NXPE2: variants seen among roughly 807,000 people sequenced by gnomAD.
NXPE2 encodes NXPE family member 2.
In NXPE2, 34 loss-of-function variants were observed where a neutral mutation model predicts 34.4. That is an observed-to-expected ratio of 0.99 (90% CI 0.75 to 1.31). The LOEUF is 1.31. Ranked by LOEUF, NXPE2 falls within the 40% of genes most tolerant of loss-of-function variation. NXPE2 has a pLI of 0.00. For synonymous variants in NXPE2, 235 were observed against 231.3 expected (o/e 1.02, Z -0.15); for missense variants, 649 against 672.5 (o/e 0.97, Z 0.39).
At chr11:114,799,452 G>A in the NXPE2 span, among the ~76,000 whole-genome samples, 1 of 152,178 alleles carries the variant, frequency 6.6e-6, no homozygotes, top group East Asian at 1.9e-4. Flanking sequence ...TGAGGAGGCA[G>A]GCCCACAGAT....
chr11:114,650,789 C>A, the NXPE2 span, among the ~76,000 whole-genome samples: 18 of 151,780 alleles, frequency 1.2e-4, no homozygotes, highest in African/African-American at 4.4e-4. Context: ...TCTGGAAAGA[C>A]TCTCTCTAAG....
chr11:114,562,212 T>C, the NXPE2 span, among the ~76,000 whole-genome samples: 1 of 152,248 alleles, frequency 6.6e-6, no homozygotes, highest in Non-Finnish European at 1.5e-5. Context: ...AATTTTCTGC[T>C]AGCCTCCCTG....
At chr11:114,630,874 G>A in the NXPE2 span, among the ~76,000 whole-genome samples, 1 of 151,636 alleles carries the variant, frequency 6.6e-6, no homozygotes, top group East Asian at 1.9e-4. Flanking sequence ...GACATGAACA[G>A]ACACTTCTTA....
the NXPE2 span, among the ~76,000 whole-genome samples, chr11:114,557,723 C>T: frequency 1.4e-5 from 2 of 142,632 alleles, no homozygotes; most frequent in Admixed American, 7.2e-5. Flanking sequence ...CTTTTTCATT[C>T]TTCTTTGCCG....
the NXPE2 span, among the ~76,000 whole-genome samples, chr11:114,761,732 C>T: frequency 6.6e-6 from 1 of 151,544 alleles, no homozygotes; most frequent in African/African-American, 2.4e-5. Context: ...CGCCACCGCG[C>T]CCGGCTAATT....
At chr11:114,522,935 A>C in the NXPE2 span, 1 of 1,613,436 alleles carries the variant, frequency 6.2e-7, no homozygotes, top group African/African-American at 1.3e-5. Flanking sequence ...GTCTCCCAGG[A>C]GGTAAATGAG....
the NXPE2 span, among the ~76,000 whole-genome samples, chr11:114,612,859 A>G: frequency 2.8e-4 from 41 of 148,106 alleles, no homozygotes; most frequent in African/African-American, 8.7e-4. Context: ...TGGGTAATCA[A>G]TGTTACCCCG....
At chr11:114,628,066 T>A in the NXPE2 span, among the ~76,000 whole-genome samples, 1 of 149,806 alleles carries the variant, frequency 6.7e-6, no homozygotes, top group Non-Finnish European at 1.5e-5. Flanking sequence ...CACACGTTAA[T>A]AATGGGAGAC....
the NXPE2 span, among the ~76,000 whole-genome samples, chr11:114,524,079 A>G: frequency 6.6e-6 from 1 of 152,206 alleles, no homozygotes; most frequent in Non-Finnish European, 1.5e-5. Flanking sequence ...CTTTAATCTC[A>G]TGGTCTAACT....
chr11:114,730,544 T>A, the NXPE2 span, among the ~76,000 whole-genome samples: 1 of 152,118 alleles, frequency 6.6e-6, no homozygotes, highest in Admixed American at 6.6e-5. Context: ...CATGGACTGT[T>A]TTTCTATTTG....
chr11:114,617,297 C>T, the NXPE2 span, among the ~76,000 whole-genome samples: 1 of 151,180 alleles, frequency 6.6e-6, no homozygotes, highest in African/African-American at 2.4e-5. Flanking sequence ...CACCATTACC[C>T]ACCAGATACT....
chr11:114,637,824 A>G, the NXPE2 span, among the ~76,000 whole-genome samples: 21 of 152,000 alleles, frequency 1.4e-4, no homozygotes, highest in Non-Finnish European at 2.6e-4. Context: ...AGTTTCTGCC[A>G]AGAGATCTGC....
At chr11:114,484,038 A>G in the NXPE2 span, among the ~76,000 whole-genome samples, 1 of 152,156 alleles carries the variant, frequency 6.6e-6, no homozygotes, top group African/African-American at 2.4e-5. Context: ...GGGAAATGAA[A>G]GATGGTTGCT....
the NXPE2 span, chr11:114,551,388 G>C: frequency 7.3e-7 from 1 of 1,362,534 alleles, no homozygotes. Flanking sequence ...TCTACCTATT[G>C]GATACTTCTT....
Position 114,706,466 on chromosome 11 carries a change from A to G in NXPE2, c.1216A>G (p.Ile406Val). Residue 406 changes from isoleucine (I) to valine (V), a missense_variant, in exon 6 of 6, where the codon ATT (isoleucine) becomes GTT (valine). Ile to Val is a conservative substitution (Grantham distance 29). Transcript: ENST00000389586. The stretch of plus-strand genomic sequence containing the variant: ...TGTTCTTCTGGATGTTGAAAGACAT[A>G]TTTTGATTCAGTGGAAAAAACATGG... ...THVLLDVERH[I>V]LIQWKKHGHP... 1 of 1,551,638 alleles carries G rather than the reference A, an allele frequency of 6.4e-7. No homozygotes were observed. The highest frequency in any genetic ancestry group is 8.7e-7 in the Non-Finnish European group (1 of 1,146,808).
the NXPE2 span, among the ~76,000 whole-genome samples, chr11:114,471,105 A>G: frequency 2.0e-5 from 3 of 152,326 alleles, no homozygotes; most frequent in South Asian, 6.2e-4. Flanking sequence ...TTCTCTTAAC[A>G]GTGCCTATCT....
chr11:114,518,762 A>G, the NXPE2 span, among the ~76,000 whole-genome samples: 1 of 152,206 alleles, frequency 6.6e-6, no homozygotes, highest in Admixed American at 6.5e-5. Context: ...TGTGTTTGCA[A>G]ATTTACTTAC....
At chr11:114,780,083 A>C in the NXPE2 span, among the ~76,000 whole-genome samples, 1 of 152,230 alleles carries the variant, frequency 6.6e-6, no homozygotes, top group Admixed American at 6.5e-5. Context: ...CCCCGTCAAG[A>C]GGCCACCAGT....
the NXPE2 span, chr11:114,512,835 G>A: frequency 6.3e-5 from 13 of 205,246 alleles, no homozygotes; most frequent in East Asian, 1.7e-3. Flanking sequence ...GCCTCAAGCA[G>A]TAGAAGGCTT....
Sources: allele counts gnomAD v4.1 joint callset (sites outside exome capture counted in the v4.1 genomes callset), GRCh38; gene constraint gnomAD v4.1.1; transcripts MANE v1.5; gene names NCBI Gene and HGNC (gene_info 2026-07-23, HGNC 2026-07-21).